Variants in TRPM6 observed in about 807,000 individuals in gnomAD.
TRPM6 encodes the protein channel kinase 2.
In TRPM6, 111 loss-of-function variants were observed where a neutral mutation model predicts 247.6. That is an observed-to-expected ratio of 0.45 (90% CI 0.38 to 0.52). The LOEUF is 0.52. Ranked by LOEUF, TRPM6 falls within the 20% of genes least tolerant of loss-of-function variation. The probability of loss-of-function intolerance (pLI) is 0.00; values close to 1 mark genes in which losing one functional copy is unlikely to be tolerated. For missense variants in TRPM6, 2,126 were observed against 2,421.5 expected, an observed-to-expected ratio of 0.88 and a Z score of 2.56; for synonymous variants, 892 against 853.8, an observed-to-expected ratio of 1.04 and a Z score of -0.78.
At chr9:74,757,146 C>A (rs558787457) in intron 27 of TRPM6, among the ~76,000 whole-genome samples, 3 of 150,962 alleles carry the variant, frequency 2.0e-5, no homozygotes, top group African/African-American at 7.3e-5. Context: ...CCACTGCACT[C>A]CAGCCTACAC....
At chr9:74,788,585 A>G (rs1827777560) in intron 20 of TRPM6, 29 bp downstream of exon 20, 2 of 1,613,356 alleles carry the variant, frequency 1.2e-6, no homozygotes, top group Non-Finnish European at 8.5e-7. Context: ...GGACATATGC[A>G]GAAGATAAAG....
chr9:74,761,737 G>A lies in TRPM6; in HGVS notation c.4744C>T (p.Leu1582=). The change falls in exon 27 of 39, where the codon CTG becomes TTG. Residue 1582 remains leucine, a synonymous_variant. Transcript: ENST00000360774. Reference sequence around the variant, plus strand: ...TGAGTATTCTTCTTTTTCTTTGACAGTCTCCTGTCTTTGGTTAGCATTTTC... The same window carrying A: ...TGAGTATTCTTCTTTTTCTTTGACAATCTCCTGTCTTTGGTTAGCATTTTC... ...KAKMLTKDRR[L]SKKKKNTQGL... 1.2e-6 allele frequency: 2 copies of A among 1,613,612 alleles called. No homozygotes were observed. Among genetic ancestry groups the A allele is most frequent in the Non-Finnish European group, 1.7e-6 (2 of 1,179,680 alleles).
At chr9:74,877,964 C>T (rs1200129200) in intron 1 of TRPM6, among the ~76,000 whole-genome samples, 1 of 152,238 alleles carries the variant, frequency 6.6e-6, no homozygotes, top group African/African-American at 2.4e-5. Context: ...CTCCATCCCA[C>T]CCAGTGCTGG....
intron 1 of TRPM6, among the ~76,000 whole-genome samples, chr9:74,880,689 G>C (rs72730978): frequency 0.026 from 3,919 of 152,180 alleles, 84 homozygotes; most frequent in Middle Eastern, 0.051. Context: ...AAATGTTTCA[G>C]CAAGTCCTGC....
chr9:74,729,767 G>A (rs917469310), intron 37 of TRPM6, among the ~76,000 whole-genome samples: 8 of 152,168 alleles, frequency 5.3e-5, no homozygotes, highest in Non-Finnish European at 1.2e-4. Context: ...TATTTTAGTC[G>A]TTTAAATTGA....
At chr9:74,774,163 C>G (rs78112435) in intron 24 of TRPM6, among the ~76,000 whole-genome samples, 6,955 of 152,204 alleles carry the variant, frequency 0.046, 506 homozygotes, top group African/African-American at 0.15. Flanking sequence ...CAATGTTCCA[C>G]AAAGCTCAGG....
At chr9:74,784,816 A>G (rs955784509) in intron 21 of TRPM6, among the ~76,000 whole-genome samples, 1 of 152,196 alleles carries the variant, frequency 6.6e-6, no homozygotes, top group African/African-American at 2.4e-5. Context: ...TGCTTCTATA[A>G]ATAATTCCAA....
chr9:74,756,199 G>C (rs1826424677), intron 27 of TRPM6, among the ~76,000 whole-genome samples: 1 of 152,100 alleles, frequency 6.6e-6, no homozygotes, highest in African/African-American at 2.4e-5. Flanking sequence ...AGAAACTCAT[G>C]GCATTTTTCC....
At chr9:74,746,009 G>T (rs919866918) in intron 31 of TRPM6, among the ~76,000 whole-genome samples, 1 of 152,150 alleles carries the variant, frequency 6.6e-6, no homozygotes, top group Non-Finnish European at 1.5e-5. Flanking sequence ...TTGGGAGGCC[G>T]AGGCGAGCAG....
At chr9:74,800,175 T>G (rs1030754204) in intron 17 of TRPM6, 79 bp downstream of exon 17, 1 of 1,360,940 alleles carries the variant, frequency 7.3e-7, no homozygotes, top group Non-Finnish European at 1.0e-6. Context: ...GACACAATTC[T>G]GGAACAAAAT....
intron 37 of TRPM6, among the ~76,000 whole-genome samples, chr9:74,729,931 GA>G (rs1171708335): frequency 6.6e-6 from 1 of 152,132 alleles, no homozygotes; most frequent in Admixed American, 6.5e-5. Flanking sequence ...TAAGTTAAAT[GA>G]TTTCCCTCTA....
At chr9:74,760,721 T>G (rs1035465472) in intron 27 of TRPM6, among the ~76,000 whole-genome samples, 1 of 152,226 alleles carries the variant, frequency 6.6e-6, no homozygotes, top group Non-Finnish European at 1.5e-5. Context: ...GAACGTTTGT[T>G]CCTTCCAAAA....
chr9:74,874,603 A>G (rs1222080736), intron 1 of TRPM6, among the ~76,000 whole-genome samples: 2 of 152,208 alleles, frequency 1.3e-5, no homozygotes, highest in African/African-American at 4.8e-5. Context: ...CTGATATTGT[A>G]AAGTGAGAAG....
chr9:74,788,534 C>T, intron 20 of TRPM6, 80 bp downstream of exon 20: 6 of 1,557,594 alleles, frequency 3.9e-6, no homozygotes, highest in Non-Finnish European at 5.3e-6. Context: ...TTTTCATCAC[C>T]AGAGCCAAGG....
In TRPM6 at chr9:74,842,176, T is replaced by C. The variant is rs370581279; in HGVS notation, c.320A>G (p.His107Arg). ...GGGTTATTAGCAAACCTTGGCATGA[T>C]GGGTGTGCTCTCCATCTTGGAAATT... The part of the protein sequence containing the change: ...TINFQDGEHT[H>R]HAKYIRTSYD... Residue 107 changes from histidine to arginine, a missense_variant, in exon 4 of 39, where the codon CAT becomes CGT. Coordinates refer to ENST00000360774, the MANE Select transcript of TRPM6 (RefSeq NM_017662.5). 7.4e-6 allele frequency: 12 copies of C among 1,613,746 alleles called. No individual in the cohort carries two copies. Among genetic ancestry groups the C allele is most frequent in the African/African-American group, 5.3e-5 (4 of 74,816 alleles).
At chr9:74,725,827 C>T (rs952657037) in intron 38 of TRPM6, among the ~76,000 whole-genome samples, 10 of 152,176 alleles carry the variant, frequency 6.6e-5, no homozygotes, top group African/African-American at 2.4e-4. Context: ...TGAAAACAGA[C>T]TAATACATAT....
chr9:74,825,645 C>T (rs1016693613), intron 7 of TRPM6, among the ~76,000 whole-genome samples: 1 of 152,080 alleles, frequency 6.6e-6, no homozygotes, highest in Non-Finnish European at 1.5e-5. Context: ...ATGTCATCTG[C>T]TACTATAAGC....
chr9:74,735,511 G>C (rs985568183), intron 36 of TRPM6, among the ~76,000 whole-genome samples: 1 of 152,048 alleles, frequency 6.6e-6, no homozygotes, highest in African/African-American at 2.4e-5. Flanking sequence ...TGATGATGAT[G>C]ATGTCGATGC....
At chr9:74,730,900 T>C (rs1354488859) in intron 37 of TRPM6, among the ~76,000 whole-genome samples, 1 of 152,152 alleles carries the variant, frequency 6.6e-6, no homozygotes, top group African/African-American at 2.4e-5. Context: ...AACCATCCTA[T>C]CAGTTTCCAG....
Sources: allele counts gnomAD v4.1 joint callset (sites outside exome capture counted in the v4.1 genomes callset), GRCh38; gene constraint gnomAD v4.1.1; transcripts MANE v1.5; gene names NCBI Gene and HGNC (gene_info 2026-07-23, HGNC 2026-07-21).